MAGI2: variants seen among roughly 807,000 people sequenced by gnomAD.
The protein encoded by MAGI2 is membrane-associated guanylate kinase, WW and PDZ domain-containing protein 2.
A neutral mutation model predicts 133.3 loss-of-function variants in MAGI2; 35 were observed. The ratio of observed to expected loss-of-function variants is 0.26; its 90% CI spans 0.20 to 0.35. The LOEUF (loss-of-function observed/expected upper bound fraction) is 0.35, where lower values mean the gene tolerates loss of function less well. MAGI2 is among the 10% of genes least tolerant of loss of function. The probability of loss-of-function intolerance (pLI) is 1.00; values close to 1 mark genes in which losing one functional copy is unlikely to be tolerated. For synonymous variants in MAGI2, 729 were observed against 710.6 expected, an observed-to-expected ratio of 1.03 and a Z score of -0.41; for missense variants, 1,636 against 1,863.4, an observed-to-expected ratio of 0.88 and a Z score of 2.25.
At chr7:78,656,699 C>T (rs2151028917) in intron 2 of MAGI2, among the ~76,000 whole-genome samples, 1 of 152,120 alleles carries the variant, frequency 6.6e-6, no homozygotes, top group African/African-American at 2.4e-5. Flanking sequence ...TATTTGACTG[C>T]TATAATTTCA....
At chr7:79,161,408 T>C (rs1001941665) in intron 1 of MAGI2, among the ~76,000 whole-genome samples, 2 of 152,110 alleles carry the variant, frequency 1.3e-5, no homozygotes, top group Admixed American at 1.3e-4. Context: ...TACTTTTCGA[T>C]AACAATGACT....
intron 1 of MAGI2, among the ~76,000 whole-genome samples, chr7:79,215,576 C>G (rs1829955748): frequency 6.6e-6 from 1 of 151,950 alleles, no homozygotes; most frequent in Non-Finnish European, 1.5e-5. Context: ...AATAATTGAA[C>G]TCTTTTGACC....
intron 21 of MAGI2, among the ~76,000 whole-genome samples, chr7:78,042,927 T>C (rs1259988043): frequency 2.0e-5 from 3 of 152,162 alleles, no homozygotes; most frequent in Non-Finnish European, 4.4e-5. Context: ...ATATATACAA[T>C]ATGCCGGGAT....
At chr7:79,051,159 T>C (rs1812638038) in intron 1 of MAGI2, among the ~76,000 whole-genome samples, 1 of 152,206 alleles carries the variant, frequency 6.6e-6, no homozygotes, top group African/African-American at 2.4e-5. Flanking sequence ...TTGAGATACC[T>C]GGTCATAGAA....
chr7:78,359,157 C>T (rs530201080), intron 7 of MAGI2: 8 of 152,228 alleles, frequency 5.3e-5, no homozygotes, highest in African/African-American at 1.9e-4. Context: ...TTTAGAAAAC[C>T]AATAGAGCAA....
At chr7:78,444,070 C>T (rs1425247932) in intron 6 of MAGI2, among the ~76,000 whole-genome samples, 7 of 151,902 alleles carry the variant, frequency 4.6e-5, no homozygotes, top group African/African-American at 1.2e-4. Context: ...CACTTAGTAT[C>T]GCAGCTCCTA....
At chr7:78,185,844 G>C (rs982775596) in intron 12 of MAGI2, among the ~76,000 whole-genome samples, 174 bp from the exon 13 acceptor site, 2 of 151,676 alleles carry the variant, frequency 1.3e-5, no homozygotes, top group Admixed American at 6.6e-5. Context: ...CCTGCTTTAC[G>C]TATGAGCATG....
intron 6 of MAGI2, among the ~76,000 whole-genome samples, chr7:78,394,422 T>C (rs867255581): frequency 6.6e-6 from 1 of 152,184 alleles, no homozygotes; most frequent in African/African-American, 2.4e-5. Context: ...TGGTCACGTC[T>C]TCCCCAGGGC....
chr7:78,997,724 A>C (rs1806454173), intron 2 of MAGI2, among the ~76,000 whole-genome samples: 1 of 152,086 alleles, frequency 6.6e-6, no homozygotes, highest in African/African-American at 2.4e-5. Context: ...ATTCTCCTAA[A>C]TTTTTCATCT....
intron 1 of MAGI2, among the ~76,000 whole-genome samples, chr7:79,447,757 A>C (rs1848963586): frequency 6.6e-6 from 1 of 151,950 alleles, no homozygotes. Flanking sequence ...ATAGTATAAA[A>C]TACTATAAAA....
In MAGI2 at chr7:78,496,169, C is replaced by T. The variant is rs138810392; in HGVS notation, c.965+5408G>A. ...ACAGAAATAGGAACACAAAAAGAAA[C>T]ATAAACTAATTGTGTGTTTGTTTAG... On this transcript the variant is annotated intron_variant, in intron 5 of 21. Coordinates refer to ENST00000354212, the MANE Select transcript of MAGI2 (RefSeq NM_012301.4). Among the ~76,000 whole-genome samples, 124 of 152,196 alleles carry T rather than the reference C, an allele frequency of 8.1e-4. 2 individuals are homozygous for T. In the East Asian group the frequency reaches 0.02, roughly 24 times the overall value.
In MAGI2 at chr7:78,926,497, C is replaced by G. The variant is rs574183607; in HGVS notation, c.418+80593G>C. Among the ~76,000 whole-genome samples, 310 of 152,040 alleles carry G rather than the reference C, an allele frequency of 2.0e-3. 3 individuals are homozygous for G. Among genetic ancestry groups the G allele is most frequent in the South Asian group, 5.4e-3 (26 of 4,816 alleles). ...TAGTTGCCTCCAGTCTCCCAGTTGC[C>G]CTATGCCATCCATACAGTTCCTGTC... On this transcript the variant is annotated intron_variant, in intron 2 of 21. Transcript: ENST00000354212.
intron 2 of MAGI2, among the ~76,000 whole-genome samples, chr7:78,980,155 C>T (rs973517075): frequency 2.6e-5 from 4 of 151,754 alleles, no homozygotes; most frequent in South Asian, 4.1e-4. Flanking sequence ...GTTAGGAAAT[C>T]TCTCTGTTCT....
chr7:78,175,354 AG>A (rs1826489341), intron 14 of MAGI2, among the ~76,000 whole-genome samples: 1 of 152,158 alleles, frequency 6.6e-6, no homozygotes, highest in Middle Eastern at 3.2e-3. Flanking sequence ...ATACTTCTCC[AG>A]GGTAGAAAAC....
At chr7:79,356,402 G>A (rs1236090662) in intron 1 of MAGI2, among the ~76,000 whole-genome samples, 3 of 152,168 alleles carry the variant, frequency 2.0e-5, no homozygotes, top group East Asian at 1.9e-4. Flanking sequence ...AGTAAGTCAC[G>A]ACTTCTGCAG....
chr7:79,062,055 C>T (rs545463242), intron 1 of MAGI2, among the ~76,000 whole-genome samples: 4 of 152,002 alleles, frequency 2.6e-5, no homozygotes, highest in Admixed American at 6.6e-5. Flanking sequence ...TCCTTTCTTC[C>T]TTCATTTTTA....
intron 1 of MAGI2, among the ~76,000 whole-genome samples, chr7:79,052,269 G>A (rs1812744212): frequency 1.3e-5 from 2 of 152,262 alleles, no homozygotes; most frequent in East Asian, 3.9e-4. Flanking sequence ...ACTATCAGGG[G>A]GATCAAGTGG....
At chr7:78,020,082 G>GGCGGCGGTGGCT in intron 21 of MAGI2, 106 bp from the exon 22 acceptor site, 2 of 1,034,060 alleles carry the variant, frequency 1.9e-6, no homozygotes, top group Non-Finnish European at 2.7e-6. Context: ...GCTCTCAGGG[G>GGCGGCGGTGGCT]CCGGAGCCAC....
rs79428616 is a variant in MAGI2 at position 78,179,060 on chromosome 7, T to C, written c.2312-958A>G. ...CCTTCCTCAGGGGGAAATACTTCAG[T>C]TGTGACCAAGCTGCGCATACTTTCA... On this transcript the variant is annotated intron_variant, in intron 13 of 21. Coordinates refer to ENST00000354212, the MANE Select transcript of MAGI2 (RefSeq NM_012301.4). Among the ~76,000 whole-genome samples the C allele has an allele frequency of 2.2e-4, 34 of 152,322 alleles. No individual in the cohort carries two copies. In the East Asian group the frequency reaches 6.0e-3, roughly 27 times the overall value.
Sources: gnomAD v4.1 joint callset for allele counts (sites outside exome capture counted in the v4.1 genomes callset) on GRCh38, gnomAD v4.1.1 for gene constraint, MANE v1.5 for transcripts, NCBI Gene and HGNC (gene_info 2026-07-23, HGNC 2026-07-21) for gene names.